Variants in SPATA6L observed in about 807,000 individuals in gnomAD.
SPATA6L encodes spermatogenesis associated 6-like protein.
Under a neutral mutation model 49.2 loss-of-function variants are expected in SPATA6L, and 68 were observed. The observed-to-expected ratio is 1.38, with a 90% CI of 1.14 to 1.69. The LOEUF is 1.69. Among genes scored for constraint, SPATA6L ranks in the 40% most tolerant of loss-of-function variants. The pLI, the probability that SPATA6L is intolerant of heterozygous loss-of-function variation, is 0.00. For missense variants in SPATA6L, 668 were observed against 464.3 expected (o/e 1.44, Z -4.03); for synonymous variants, 198 against 165.7 (o/e 1.19, Z -1.50).
intron 2 of SPATA6L, 140 bp from the exon 3 acceptor site, chr9:4,656,229 A>C: frequency 2.1e-5 from 13 of 628,286 alleles, no homozygotes; most frequent in Non-Finnish European, 3.6e-5. Flanking sequence ...GCTTAAGCTC[A>C]GGAGTTTCAG....
At chr9:4,648,263 G>C (rs1319685214) in intron 3 of SPATA6L, among the ~76,000 whole-genome samples, 1 of 152,078 alleles carries the variant, frequency 6.6e-6, no homozygotes, top group Non-Finnish European at 1.5e-5. Flanking sequence ...GAAACTTTAG[G>C]CTTTCAAAAT....
At chr9:4,606,956 G>C (rs1307505006) in intron 9 of SPATA6L, among the ~76,000 whole-genome samples, 68 of 146,164 alleles carry the variant, frequency 4.7e-4, no homozygotes, top group Non-Finnish European at 2.1e-4. Flanking sequence ...TAAAGGAGCT[G>C]ATGGAGCTGA....
intron 4 of SPATA6L, chr9:4,633,890 A>C (rs1201780813): frequency 1.3e-5 from 2 of 152,220 alleles, no homozygotes; most frequent in Admixed American, 6.5e-5. Flanking sequence ...TCTATTCACA[A>C]ATTATTTAAA....
chr9:4,648,655 G>C lies in SPATA6L; in HGVS notation c.226+7386C>G, dbSNP rs750733032. Among the ~76,000 whole-genome samples the C allele has an allele frequency of 6.4e-4, 97 of 151,578 alleles. 1 individual carries two copies. Among genetic ancestry groups the C allele is most frequent in the African/African-American group, 2.2e-3 (92 of 41,140 alleles). ...GCAGAGCTTGCAGTGAGCCGAGATTGCGCCACTGCACTCCAGCCTGGGCGA... is the reference window on the plus strand; with the variant it reads ...GCAGAGCTTGCAGTGAGCCGAGATTCCGCCACTGCACTCCAGCCTGGGCGA... On this transcript the variant is annotated intron_variant, in intron 3 of 11. Transcript: ENST00000682582.
At position 4,666,396 on chromosome 9, in the gene SPATA6L, C is replaced by T. The variant is rs1013514206; in HGVS notation, c.-146G>A. On this transcript the variant is annotated 5_prime_UTR_variant, in exon 1 of 12. Coordinates refer to ENST00000682582, the MANE Select transcript of SPATA6L (RefSeq NM_001353486.2). ...CACGCCCTTGTTCCCCTACCGTCCC[C>T]CCCAGCCCAGGTCCCTCCCACCGGG... 7.2e-6 allele frequency: 6 copies of T among 828,966 alleles called. No homozygotes were observed. Among genetic ancestry groups the T allele is most frequent in the Non-Finnish European group, 1.2e-5 (6 of 497,492 alleles). The allele number at this position is 828,966 out of a possible 1,614,324, so 51.4% of individuals were successfully genotyped here.
intron 2 of SPATA6L, among the ~76,000 whole-genome samples, chr9:4,658,161 G>A (rs1838740228): frequency 6.6e-6 from 1 of 152,142 alleles, no homozygotes; most frequent in South Asian, 2.1e-4. Flanking sequence ...TGTTTCTGTT[G>A]TTTAAGCCAC....
intron 3 of SPATA6L, among the ~76,000 whole-genome samples, chr9:4,649,186 G>A (rs963073038): frequency 6.6e-5 from 10 of 152,178 alleles, no homozygotes; most frequent in Admixed American, 2.0e-4. Flanking sequence ...ATAAACATGC[G>A]TGTGTAAGTA....
rs751355484 is a variant in SPATA6L, at chr9:4,662,712, C to T, written c.40-676G>A. 3 of 1,602,004 alleles carry T rather than the reference C, an allele frequency of 1.9e-6. No individual in the cohort carries two copies. Among genetic ancestry groups the T allele is most frequent in the African/African-American group, 2.7e-5 (2 of 74,934 alleles). ...CTCCCTGCTGGCCATCGACCTGTGGCTGTCCAAGAAGCTGGGGGTGTGCGC... is the reference window on the plus strand; with the variant it reads ...CTCCCTGCTGGCCATCGACCTGTGGTTGTCCAAGAAGCTGGGGGTGTGCGC... On this transcript the variant is annotated intron_variant, in intron 1 of 11. Coordinates refer to ENST00000682582, the MANE Select transcript of SPATA6L (RefSeq NM_001353486.2). The surrounding 1 kb of genome is among the most constrained non-coding windows in gnomAD (Gnocchi z 4.9).
At chr9:4,639,929 C>T (rs1056182361) in intron 3 of SPATA6L, among the ~76,000 whole-genome samples, 1 of 152,190 alleles carries the variant, frequency 6.6e-6, no homozygotes, top group Non-Finnish European at 1.5e-5. Flanking sequence ...TGATGCCACA[C>T]GGCTAGTGAT....
At chr9:4,621,980 C>T (rs1375333146) in intron 7 of SPATA6L, among the ~76,000 whole-genome samples, 5 of 152,322 alleles carry the variant, frequency 3.3e-5, no homozygotes, top group East Asian at 3.9e-4. Flanking sequence ...CTTCCCACCT[C>T]GCTGACATGA....
intron 4 of SPATA6L, chr9:4,633,323 G>C (rs1330731826): frequency 6.5e-6 from 1 of 153,534 alleles, no homozygotes; most frequent in East Asian, 1.9e-4. Flanking sequence ...AATCTGTTCA[G>C]GGTCACAATG....
At chr9:4,664,169 TG>T (rs1244421050) in intron 1 of SPATA6L, 1 of 167,118 alleles carries the variant, frequency 6.0e-6, no homozygotes, top group African/African-American at 2.4e-5. Context: ...ACTGAAAGTT[TG>T]GGAATAGGCT....
chr9:4,640,007 T>C (rs1038989461), intron 3 of SPATA6L, among the ~76,000 whole-genome samples: 1 of 152,234 alleles, frequency 6.6e-6, no homozygotes. Context: ...TGCTAATGCC[T>C]ATAAAAGTAT....
At chr9:4,644,669 T>TC (rs1266514846) in intron 3 of SPATA6L, among the ~76,000 whole-genome samples, 1 of 129,758 alleles carries the variant, frequency 7.7e-6, no homozygotes, top group Non-Finnish European at 1.5e-5. Flanking sequence ...TCTCTCTCTC[T>TC]CTCTCTCTCT....
chr9:4,629,161 G>T lies in SPATA6L; in HGVS notation c.359C>A (p.Ala120Asp). 6.3e-7 allele frequency: 1 copy of T among 1,595,658 alleles called. No homozygotes were observed. Among genetic ancestry groups the T allele is most frequent in the South Asian group, 1.1e-5 (1 of 90,178 alleles). Residue 120 changes from alanine to aspartate, a missense_variant, in exon 5 of 12, where the codon GCT becomes GAT. Transcript: ENST00000682582. ...MKTALGFPGI[A>D]PKIEFSTRTA... Reference sequence around the variant, plus strand: ...CCTTGTAGAAAACTCTATTTTGGGAGCAATGCCCTATAAAACAGCATAAAA... The same window carrying T: ...CCTTGTAGAAAACTCTATTTTGGGATCAATGCCCTATAAAACAGCATAAAA...
chr9:4,664,050 G>T (rs1363640330), intron 1 of SPATA6L: 2 of 167,108 alleles, frequency 1.2e-5, no homozygotes, highest in Admixed American at 1.3e-4. Context: ...TATCTAAGAT[G>T]CTCATAGAAG....
rs1176504449 is a variant in SPATA6L, at chr9:4,600,372, G to A, written c.*439C>T. The A allele has an allele frequency of 6.6e-6, 1 of 152,594 alleles. No individual in the cohort carries two copies. The highest frequency in any genetic ancestry group is 1.5e-5 in the Non-Finnish European group (1 of 68,034). The allele number at this position is 152,594 out of a possible 1,614,324, so 9.5% of individuals were successfully genotyped here. On this transcript the variant is annotated 3_prime_UTR_variant, in exon 12 of 12. Transcript: ENST00000682582. The stretch of plus-strand genomic sequence containing the variant: ...ACAACAAAAACGGATCTACCGAAAA[G>A]AGAAAGTCAGGTTGATAGTCTTTCC...
chr9:4,665,186 C>G (rs1840681403), intron 1 of SPATA6L: 1 of 167,002 alleles, frequency 6.0e-6, no homozygotes, highest in Non-Finnish European at 1.5e-5. Context: ...GAGTAGAAAA[C>G]TGATTTCTTT....
At chr9:4,626,318 T>G in intron 5 of SPATA6L, 1 of 1,192,714 alleles carries the variant, frequency 8.4e-7, no homozygotes, top group South Asian at 1.5e-5. Flanking sequence ...AGCCCCCTGT[T>G]CAGATTTGAG....
Sources: gnomAD v4.1 joint callset for allele counts (sites outside exome capture counted in the v4.1 genomes callset) on GRCh38, gnomAD v4.1.1 for gene constraint, Gnocchi (gnomAD v3.1) non-coding constraint, MANE v1.5 for transcripts, NCBI Gene and HGNC (gene_info 2026-07-23, HGNC 2026-07-21) for gene names.